NOX5: variants seen among roughly 807,000 people sequenced by gnomAD.
The protein encoded by NOX5 is NADPH oxidase 5, also known as NADPH oxidase, EF-hand calcium binding domain 5.
Under a neutral mutation model 85.7 loss-of-function variants are expected in NOX5, and 76 were observed. The ratio of observed to expected loss-of-function variants is 0.89; its 90% confidence interval spans 0.74 to 1.07. The LOEUF (loss-of-function observed/expected upper bound fraction) is 1.07, where lower values mean the gene tolerates loss of function less well. NOX5 is among the 50% of genes least tolerant of loss of function. The probability of loss-of-function intolerance (pLI) is 0.00; values close to 1 mark genes in which losing one functional copy is unlikely to be tolerated. For synonymous variants in NOX5, 405 were observed against 401.4 expected, an observed-to-expected ratio of 1.01 and a Z score of -0.11; for missense variants, 973 against 999.5, an observed-to-expected ratio of 0.97 and a Z score of 0.36.
At position 69,033,045 on chromosome 15, in the gene NOX5, C is replaced by G; in HGVS notation, c.623C>G (p.Ala208Gly). Residue 208 changes from alanine (A) to glycine (G), a missense_variant and splice_region_variant, in exon 5 of 16, where the codon GCT (alanine) becomes GGT (glycine). Transcript: ENST00000388866. The part of the protein sequence containing the change: ...PGVMENLTIS[A>G]AHWLTAPAPR... ...AGCGGAACCCGCCTCTCTCGCAGCG[C>G]TGCCCACTGGCTGACGGCCCCCGCC... 1 of 1,555,486 alleles carries G rather than the reference C, an allele frequency of 6.4e-7. No individual in the cohort carries two copies. The highest frequency in any genetic ancestry group is 8.6e-7 in the Non-Finnish European group (1 of 1,165,444).
At chr15:69,034,463 A>G (rs2050486322) in intron 5 of NOX5, among the ~76,000 whole-genome samples, 1 of 152,204 alleles carries the variant, frequency 6.6e-6, no homozygotes. Flanking sequence ...CTCATGTATT[A>G]CTAACACAAC....
intron 6 of NOX5, 111 bp downstream of exon 6, chr15:69,035,618 T>C: frequency 3.9e-6 from 6 of 1,551,556 alleles, no homozygotes; most frequent in Non-Finnish European, 5.2e-6. Flanking sequence ...AGAGAAGGGG[T>C]GCCCTGGATA....
intron 14 of NOX5, among the ~76,000 whole-genome samples, chr15:69,052,520 G>A (rs1401078729): frequency 6.6e-6 from 1 of 152,152 alleles, no homozygotes; most frequent in African/African-American, 2.4e-5. Context: ...AAGAGAATTG[G>A]CATAGTGTTT....
At chr15:69,039,418 G>A (rs10775200) in intron 9 of NOX5, among the ~76,000 whole-genome samples, 121,636 of 151,588 alleles carry the variant, frequency 0.8, 51,895 homozygotes, top group Non-Finnish European at 0.95. Context: ...GGAAAGAAGG[G>A]AGGGACATAC....
intron 14 of NOX5, among the ~76,000 whole-genome samples, chr15:69,053,918 A>C (rs2050779530): frequency 6.6e-6 from 1 of 152,200 alleles, no homozygotes; most frequent in Non-Finnish European, 1.5e-5. Context: ...ATGTGACATG[A>C]AATGTGCTAG....
At position 69,059,777 on chromosome 15, in the gene NOX5, T is replaced by A. The variant is rs1337209821; in HGVS notation, c.*3081T>A. The A allele has an allele frequency of 6.6e-6, 1 of 152,210 alleles. No homozygotes were observed. The highest frequency in any genetic ancestry group is 1.5e-5 in the Non-Finnish European group (1 of 68,048). The allele number at this position is 152,210 out of a possible 1,614,324, so 9.4% of individuals were successfully genotyped here. On this transcript the variant is annotated 3_prime_UTR_variant, in exon 16 of 16. Coordinates refer to ENST00000388866, the MANE Select transcript of NOX5 (RefSeq NM_024505.4). ...CATCCGGATGACTGGCTGACTTTTC[T>A]TCTCTCACCAGATGTTGCCAATGCT... is the stretch of plus-strand genomic sequence containing the variant.
Position 69,024,510 on chromosome 15 carries a change from G to A in NOX5, c.51-2018G>A, listed in dbSNP as rs191140575. ...CCCTCAGTCACTTAGTCGCTGTCTCGGTTATCAGATCCACAGATCTCAAGA... is the reference window on the plus strand; with the variant it reads ...CCCTCAGTCACTTAGTCGCTGTCTCAGTTATCAGATCCACAGATCTCAAGA... On this transcript the variant is annotated intron_variant, in intron 1 of 15. Coordinates refer to ENST00000388866, the MANE Select transcript of NOX5 (RefSeq NM_024505.4). Among the ~76,000 whole-genome samples the A allele has an allele frequency of 3.9e-5, 6 of 152,064 alleles. No individual in the cohort carries two copies. The East Asian group carries it at 7.7e-4, about 20-fold the overall frequency.
rs1456186087 is a variant in NOX5, at chr15:69,014,727, C to A, written c.-9C>A. The A allele has an allele frequency of 3.9e-6, 6 of 1,550,472 alleles. No homozygotes were observed. The highest frequency in any genetic ancestry group is 2.4e-5 in the South Asian group (2 of 84,044). ...TTTCTGGGACCTGTGATCTAGAAGA[C>A]AGGAGAAGATGAACACATCTGGAGA... On this transcript the variant is annotated 5_prime_UTR_variant, in exon 1 of 16. Coordinates refer to ENST00000388866, the MANE Select transcript of NOX5 (RefSeq NM_024505.4).
At chr15:69,038,500 C>T (rs1375890364) in intron 8 of NOX5, 2 of 336,396 alleles carry the variant, frequency 5.9e-6, no homozygotes, top group African/African-American at 4.3e-5. Flanking sequence ...GGTTAGAATG[C>T]TAGCCACACT....
At chr15:69,027,713 C>T (rs1422232809) in intron 2 of NOX5, among the ~76,000 whole-genome samples, 1 of 152,142 alleles carries the variant, frequency 6.6e-6, no homozygotes, top group African/African-American at 2.4e-5. Flanking sequence ...AAGAACAAGC[C>T]TTAAGTATAA....
intron 14 of NOX5, among the ~76,000 whole-genome samples, chr15:69,054,282 CTG>C (rs1444654677): frequency 1.3e-5 from 2 of 152,206 alleles, no homozygotes; most frequent in Non-Finnish European, 2.9e-5. Flanking sequence ...CCCCTGAGTG[CTG>C]AAACATCAGT....
chr15:69,048,866 C>T (rs2050709846), intron 13 of NOX5, 93 bp from the exon 14 acceptor site: 3 of 814,608 alleles, frequency 3.7e-6, no homozygotes, highest in Non-Finnish European at 6.0e-6. Context: ...CTGCTTACTT[C>T]AGGGTGGTCA....
chr15:69,026,486 T>G, intron 1 of NOX5, 42 bp from the exon 2 acceptor site: 1 of 1,613,156 alleles, frequency 6.2e-7, no homozygotes, highest in Non-Finnish European at 8.5e-7. Flanking sequence ...CATAAGGCTT[T>G]GGCCACCCCA....
rs1279932209 is a variant in NOX5, at chr15:69,049,624, ATTTC to A, written c.1999+570_1999+573del. 2.7e-4 allele frequency among the ~76,000 whole-genome samples: 41 copies of A among 152,242 alleles called. No homozygotes were observed. The South Asian group carries it at 3.7e-3, about 14-fold the overall frequency. On this transcript the variant is annotated intron_variant, in intron 14 of 15. Coordinates refer to ENST00000388866, the MANE Select transcript of NOX5 (RefSeq NM_024505.4). The stretch of plus-strand genomic sequence containing the variant: ...TCTTATTCATATTTTATAAAAATAT[ATTTC>A]TTTATTTTTGTAATTTATCTTTTTC...
In NOX5 at chr15:69,031,668, T is replaced by C; in HGVS notation, c.476T>C (p.Ile159Thr). Residue 159 changes from isoleucine (I) to threonine (T), a missense_variant, in exon 4 of 16, where the codon ATC becomes ACC. Physicochemically the swap from Ile to Thr is moderately conservative, Grantham distance 89 (BLOSUM62 -1). Transcript: ENST00000388866. ...CAGTCGTGTCTGCGCGAGAGCGCCATCTCGCTGCCTGACGAGAAGCTGGAC... is the reference window on the plus strand; with the variant it reads ...CAGTCGTGTCTGCGCGAGAGCGCCACCTCGCTGCCTGACGAGAAGCTGGAC... ...VLQSCLRESA[I>T]SLPDEKLDQL... The C allele has an allele frequency of 6.2e-7, 1 of 1,613,374 alleles. No homozygotes were observed. Among genetic ancestry groups the C allele is most frequent in the Non-Finnish European group, 8.5e-7 (1 of 1,179,944 alleles).
At chr15:69,022,910 T>TGTCTAA in intron 1 of NOX5, 1 of 468,520 alleles carries the variant, frequency 2.1e-6, no homozygotes, top group South Asian at 1.7e-5. Context: ...CTGAAAAGGA[T>TGTCTAA]GTCTAAGTAG....
intron 14 of NOX5, among the ~76,000 whole-genome samples, chr15:69,050,331 A>C (rs1007662440): frequency 1.9e-4 from 29 of 152,182 alleles, no homozygotes; most frequent in African/African-American, 6.7e-4. Flanking sequence ...CTGGATTGAG[A>C]TTTCCATCTG....
chr15:69,042,677 C>T lies in NOX5; in HGVS notation c.1519C>T (p.His507Tyr), dbSNP rs1195799918. 2 of 1,613,550 alleles carry T rather than the reference C, an allele frequency of 1.2e-6. No homozygotes were observed. Among genetic ancestry groups the T allele is most frequent in the Admixed American group, 3.3e-5 (2 of 60,004 alleles). The change falls in exon 10 of 16, where the codon CAC becomes TAC. Residue 507 changes from histidine to tyrosine, a missense_variant. By Grantham distance (83) the His-to-Tyr change is moderately conservative (BLOSUM62 2). Transcript: ENST00000388866. ...CTCTTTCTCAGACACTATCTGGCTG[C>T]ACATTCGGTCCCAAGGCCAGTGGAC... ...APEQKDTIWL[H>Y]IRSQGQWTNR...
At chr15:69,023,890 A>T in intron 1 of NOX5, 1 of 186,816 alleles carries the variant, frequency 5.4e-6, no homozygotes, top group East Asian at 1.6e-4. Context: ...CAGGTCTATT[A>T]GTAAATCTCG....
Sources: gnomAD v4.1 joint callset for allele counts (sites outside exome capture counted in the v4.1 genomes callset) on GRCh38, gnomAD v4.1.1 for gene constraint, MANE v1.5 for transcripts, NCBI Gene and HGNC (gene_info 2026-07-23, HGNC 2026-07-21) for gene names.